VWA3B: variants seen among roughly 807,000 people sequenced by gnomAD.
VWA3B encodes the protein von Willebrand factor A domain-containing protein 3B.
A neutral mutation model predicts 158.3 loss-of-function variants in VWA3B; 138 were observed. The ratio of observed to expected loss-of-function variants is 0.87; its 90% CI spans 0.76 to 1.00. The LOEUF (loss-of-function observed/expected upper bound fraction) is 1.00. Among genes scored for constraint, VWA3B ranks in the 50% least tolerant of loss-of-function variants. VWA3B has a pLI of 0.00. For missense variants in VWA3B, 1,555 were observed against 1,565.1 expected, an observed-to-expected ratio of 0.99 and a Z score of 0.11; for synonymous variants, 596 against 587.3, an observed-to-expected ratio of 1.01 and a Z score of -0.21.
chr2:98,212,639 T>G (rs1264785180), intron 13 of VWA3B, among the ~76,000 whole-genome samples: 1 of 152,202 alleles, frequency 6.6e-6, no homozygotes, highest in African/African-American at 2.4e-5. Context: ...TGAATTAGTG[T>G]CAACTCGCGT....
chr2:98,107,116 T>C (rs905010476), intron 2 of VWA3B, among the ~76,000 whole-genome samples: 29 of 152,346 alleles, frequency 1.9e-4, no homozygotes, highest in African/African-American at 7.0e-4. Flanking sequence ...GATATTTCTT[T>C]GTTAGCCTGT....
intron 14 of VWA3B, among the ~76,000 whole-genome samples, chr2:98,224,420 G>A (rs781105409): frequency 6.6e-6 from 1 of 152,120 alleles, no homozygotes; most frequent in South Asian, 2.1e-4. Context: ...AAGGTAAAGG[G>A]ACCTGAATGG....
intron 2 of VWA3B, among the ~76,000 whole-genome samples, chr2:98,101,211 T>C (rs1419838775): frequency 1.3e-5 from 2 of 152,190 alleles, no homozygotes; most frequent in East Asian, 1.9e-4. Context: ...CCTAAATGCA[T>C]TGGCCAGAAT....
At chr2:98,186,547 CA>C (rs2105380246) in intron 9 of VWA3B, among the ~76,000 whole-genome samples, 1 of 152,222 alleles carries the variant, frequency 6.6e-6, no homozygotes, top group South Asian at 2.1e-4. Flanking sequence ...CAATTGATTG[CA>C]ACTCCACCCT....
chr2:98,229,927 G>C, intron 15 of VWA3B, 123 bp from the exon 16 acceptor site: 1 of 1,089,568 alleles, frequency 9.2e-7, no homozygotes, highest in South Asian at 2.0e-5. Flanking sequence ...CCAGATGGGG[G>C]AAGGCTTACT....
intron 5 of VWA3B, among the ~76,000 whole-genome samples, chr2:98,126,753 G>T (rs1407107199): frequency 1.3e-5 from 2 of 152,184 alleles, no homozygotes; most frequent in African/African-American, 4.8e-5. Flanking sequence ...AGGAGCTGGC[G>T]TTGAAAGGCC....
intron 14 of VWA3B, among the ~76,000 whole-genome samples, chr2:98,227,587 G>A (rs1275094286): frequency 6.6e-6 from 1 of 152,184 alleles, no homozygotes; most frequent in Non-Finnish European, 1.5e-5. Context: ...ATTGATTCAT[G>A]CTACAACATG....
intron 16 of VWA3B, 72 bp from the exon 17 acceptor site, chr2:98,234,576 A>C (rs1685550891): frequency 6.3e-7 from 1 of 1,595,790 alleles, no homozygotes; most frequent in Admixed American, 1.7e-5. Context: ...GAGCTGATAA[A>C]ATAGTTATAT....
chr2:98,173,970 A>G (rs377069721), intron 8 of VWA3B, among the ~76,000 whole-genome samples: 3 of 128,510 alleles, frequency 2.3e-5, no homozygotes, highest in Non-Finnish European at 5.2e-5. Context: ...CTGTCTCAAA[A>G]GAAAAAAAAA....
chr2:98,111,813 GTTTGCAAATATTTTCAATAAATA>G (rs1254257714), intron 2 of VWA3B, among the ~76,000 whole-genome samples: 1 of 152,004 alleles, frequency 6.6e-6, no homozygotes, highest in Non-Finnish European at 1.5e-5. Flanking sequence ...TGGATGCACA[GTTTGCAAATATTTTCAATAAATA>G]TTTGCAAATA....
intron 7 of VWA3B, among the ~76,000 whole-genome samples, chr2:98,153,739 C>T (rs796820098): frequency 2.4e-4 from 37 of 152,336 alleles, no homozygotes; most frequent in African/African-American, 7.9e-4. Context: ...TTGAATTCAG[C>T]GGATGGAGCC....
intron 2 of VWA3B, among the ~76,000 whole-genome samples, chr2:98,107,696 C>T (rs148769643): frequency 4.6e-5 from 7 of 151,982 alleles, no homozygotes; most frequent in Admixed American, 1.3e-4. Context: ...TGATGTCTGC[C>T]GCATCTTTTG....
chr2:98,307,558 G>T (rs1252172538), intron 26 of VWA3B, among the ~76,000 whole-genome samples: 1 of 152,222 alleles, frequency 6.6e-6, no homozygotes, highest in African/African-American at 2.4e-5. Flanking sequence ...TGAGAGCTAA[G>T]AACATAAAGT....
At position 98,261,202 on chromosome 2, in the gene VWA3B, G is replaced by A. The variant is rs1687457988; in HGVS notation, c.2843+5028G>A. On this transcript the variant is annotated intron_variant, in intron 21 of 27. Transcript: ENST00000477737. ...TGTATACTTTTTAGTTATTTTCTTA[G>A]TGGTTACCATGGGAATTATAGTTAA... Among the ~76,000 whole-genome samples, 3 of 151,554 alleles carry A rather than the reference G, an allele frequency of 2.0e-5. No homozygotes were observed. The South Asian group carries it at 6.2e-4, about 31-fold the overall frequency.
chr2:98,225,927 T>C (rs182719130), intron 14 of VWA3B, among the ~76,000 whole-genome samples: 78 of 152,278 alleles, frequency 5.1e-4, no homozygotes, highest in Admixed American at 2.4e-3. Flanking sequence ...GCTGAAGATA[T>C]CAAAGAAGAT....
chr2:98,095,752 G>A (rs973982783), intron 2 of VWA3B, among the ~76,000 whole-genome samples: 4 of 152,072 alleles, frequency 2.6e-5, no homozygotes, highest in Admixed American at 2.6e-4. Flanking sequence ...GTTAGCTGTG[G>A]GTTTGTCATA....
chr2:98,305,979 G>A (rs779137243), intron 26 of VWA3B, among the ~76,000 whole-genome samples: 3 of 152,002 alleles, frequency 2.0e-5, no homozygotes, highest in Non-Finnish European at 4.4e-5. Flanking sequence ...TGCCTCACTT[G>A]TCCCTAGCCA....
chr2:98,090,662 C>G (rs1682215249), intron 1 of VWA3B, among the ~76,000 whole-genome samples: 1 of 152,034 alleles, frequency 6.6e-6, no homozygotes, highest in Non-Finnish European at 1.5e-5. Context: ...AGATCTTCAC[C>G]AATAATAATT....
intron 14 of VWA3B, among the ~76,000 whole-genome samples, chr2:98,223,186 G>A (rs1293471940): frequency 3.3e-5 from 5 of 151,390 alleles, no homozygotes; most frequent in African/African-American, 4.9e-5. Context: ...TACAAGAGCA[G>A]AAATTTTTAA....
Sources: gnomAD v4.1 joint callset for allele counts (sites outside exome capture counted in the v4.1 genomes callset) on GRCh38, gnomAD v4.1.1 for gene constraint, MANE v1.5 for transcripts, NCBI Gene and HGNC (gene_info 2026-07-23, HGNC 2026-07-21) for gene names.